Variants in HEYL observed in about 807,000 individuals in gnomAD.
HEYL encodes the protein hes related family bHLH transcription factor with YRPW motif like, also known as hairy/enhancer-of-split related with YRPW motif-like protein.
HEYL carries 12 observed loss-of-function variants against 18.6 expected under a neutral mutation model. The ratio of observed to expected loss-of-function variants is 0.65; its 90% confidence interval spans 0.41 to 1.05. The LOEUF (loss-of-function observed/expected upper bound fraction) is 1.05. Among genes scored for constraint, HEYL ranks in the 50% least tolerant of loss-of-function variants. The pLI, the probability that HEYL is intolerant of heterozygous loss-of-function variation, is 0.00. For synonymous variants in HEYL, 159 were observed against 179.6 expected (o/e 0.89, Z 0.91); for missense variants, 420 against 444.7 (o/e 0.94, Z 0.50).
At position 39,626,496 on chromosome 1, in the gene HEYL, G is replaced by T. The variant is rs764222546; in HGVS notation, c.*11C>A. The T allele has an allele frequency of 6.7e-7, 1 of 1,503,470 alleles. No homozygotes were observed. The highest frequency in any genetic ancestry group is 1.3e-5 in the South Asian group (1 of 74,820). The allele number at this position is 1,503,470 out of a possible 1,614,324, so 93.1% of individuals were successfully genotyped here. On this transcript the variant is annotated 3_prime_UTR_variant, in exon 5 of 5. Coordinates refer to ENST00000372852, the MANE Select transcript of HEYL (RefSeq NM_014571.4). ...TCCTTATTCCTTGGGGCGGGGTGGT[G>T]AAGGGGCAGCTCAGAAAGCCCCGAT...
intron 4 of HEYL, 98 bp downstream of exon 4, chr1:39,630,129 T>C (rs1388233885): frequency 7.4e-6 from 7 of 944,620 alleles, no homozygotes; most frequent in Admixed American, 3.4e-5. Flanking sequence ...CTCCTCAGAG[T>C]GGGCAGCGTG....
chr1:39,639,587 C>T lies in HEYL; in HGVS notation c.39G>A (p.Glu13=). 1 of 1,581,956 alleles carries T rather than the reference C, an allele frequency of 6.3e-7. No individual in the cohort carries two copies. The highest frequency in any genetic ancestry group is 8.6e-7 in the Non-Finnish European group (1 of 1,168,684). The change falls in exon 1 of 5, where the codon GAG becomes GAA. Residue 13 remains glutamate, a synonymous_variant. Coordinates refer to ENST00000372852, the MANE Select transcript of HEYL (RefSeq NM_014571.4). ...GGCCCACGTCGATGGGTCCGTCGGA[C>T]TCCCCGTCGGAGCCGCTCGGCTCCT... The part of the protein sequence containing the change: ...RPKEPSGSDG[E]SDGPIDVGQE...
chr1:39,631,648 T>C, intron 2 of HEYL, 69 bp from the exon 3 acceptor site: 1 of 1,210,092 alleles, frequency 8.3e-7, no homozygotes, highest in Non-Finnish European at 1.2e-6. Flanking sequence ...TTGATGGTCA[T>C]CAACTCATAT....
intron 1 of HEYL, among the ~76,000 whole-genome samples, chr1:39,637,226 G>T (rs558416111): frequency 6.6e-6 from 1 of 152,184 alleles, no homozygotes; most frequent in Non-Finnish European, 1.5e-5. Context: ...GCGTCATGGG[G>T]CCAGGTTGAG....
chr1:39,630,997 T>C (rs1390158368), intron 3 of HEYL, among the ~76,000 whole-genome samples: 1 of 152,146 alleles, frequency 6.6e-6, no homozygotes. Context: ...CCTTGGTGCA[T>C]AGGGTGAGAA....
At chr1:39,639,460 C>CTG in intron 1 of HEYL, 86 bp downstream of exon 1, 1 of 1,176,370 alleles carries the variant, frequency 8.5e-7, no homozygotes, top group Non-Finnish European at 1.2e-6. Context: ...TGCTGGAGGG[C>CTG]TGGCCCGCCT....
intron 1 of HEYL, chr1:39,633,570 G>A (rs1046195544): frequency 3.9e-5 from 6 of 152,278 alleles, no homozygotes; most frequent in African/African-American, 1.4e-4. Context: ...CCCTATTCAG[G>A]CCTGGGTGGG....
In HEYL at chr1:39,627,157, C is replaced by T. The variant is rs1646305625; in HGVS notation, c.337G>A (p.Ala113Thr). The T allele has an allele frequency of 6.2e-7, 1 of 1,612,492 alleles. No individual in the cohort carries two copies. The highest frequency in any genetic ancestry group is 8.5e-7 in the Non-Finnish European group (1 of 1,178,834). ...AAACCAATGCTCCGGAAGTCAACTG[C>T]CAGGGCTCGGGCATCAAAGAATCCT... is the stretch of plus-strand genomic sequence containing the variant. ...GTGFFDARAL[A>T]VDFRSIGFRE... is the part of the protein sequence containing the mutation. The change falls in exon 5 of 5, where the codon GCA becomes ACA. Residue 113 changes from alanine to threonine, a missense_variant. By Grantham distance (58) the Ala-to-Thr change is moderately conservative. Transcript: ENST00000372852.
At chr1:39,633,106 G>A (rs534571589) in intron 1 of HEYL, 18 of 983,750 alleles carry the variant, frequency 1.8e-5, no homozygotes, top group Non-Finnish European at 1.9e-5. Flanking sequence ...CGCTGGGAAC[G>A]AGCGTGGAAA....
At chr1:39,636,083 G>A (rs923016871) in intron 1 of HEYL, among the ~76,000 whole-genome samples, 39 of 152,142 alleles carry the variant, frequency 2.6e-4, no homozygotes, top group African/African-American at 9.2e-4. Flanking sequence ...CCTTGCAGAT[G>A]ACCCTAATCA....
chr1:39,630,141 G>A, intron 4 of HEYL, 86 bp downstream of exon 4: 4 of 1,119,906 alleles, frequency 3.6e-6, no homozygotes, highest in South Asian at 2.5e-5. Flanking sequence ...GGCAGCGTGT[G>A]GACTTTGCTC....
chr1:39,626,882 G>A lies in HEYL; in HGVS notation c.612C>T (p.Leu204=), dbSNP rs115716116. ...AILGRVPSPV[L]PGVSSPAYPI... ...GGTAAGCAGGAGAGGAGACACCGGG[G>A]AGGACAGGGCTGGGCACTCTTCCCA... The change falls in exon 5 of 5, where the codon CTC becomes CTT. Residue 204 remains leucine, a synonymous_variant. Coordinates refer to ENST00000372852, the MANE Select transcript of HEYL (RefSeq NM_014571.4). The A allele has an allele frequency of 7.1e-4, 1,139 of 1,602,850 alleles. 11 individuals carry two copies. In the African/African-American group the frequency reaches 0.013, roughly 19 times the overall value.
chr1:39,631,182 T>C (rs892100420), intron 3 of HEYL, among the ~76,000 whole-genome samples: 3 of 152,234 alleles, frequency 2.0e-5, no homozygotes, highest in Non-Finnish European at 4.4e-5. Context: ...CCCTGCTATT[T>C]ACTAGCTGCG....
In HEYL at chr1:39,626,505, G is replaced by C. The variant is rs1292797893; in HGVS notation, c.*2C>G. ...CTTGGGGCGGGGTGGTGAAGGGGCA[G>C]CTCAGAAAGCCCCGATTTCAGTGAT... On this transcript the variant is annotated 3_prime_UTR_variant, in exon 5 of 5. Transcript: ENST00000372852. 1 of 1,514,718 alleles carries C rather than the reference G, an allele frequency of 6.6e-7. No homozygotes were observed. The highest frequency in any genetic ancestry group is 2.3e-5 in the Admixed American group (1 of 43,256). The allele number at this position is 1,514,718 out of a possible 1,614,324, so 93.8% of individuals were successfully genotyped here.
chr1:39,631,642 T>C (rs970566594), intron 2 of HEYL, 63 bp from the exon 3 acceptor site: 2 of 1,317,086 alleles, frequency 1.5e-6, no homozygotes, highest in Non-Finnish European at 2.2e-6. Flanking sequence ...AGTGCCTTGA[T>C]GGTCATCAAC....
At chr1:39,633,117 G>A (rs1213779313) in intron 1 of HEYL, 3 of 983,900 alleles carry the variant, frequency 3.0e-6, no homozygotes, top group Non-Finnish European at 3.6e-6. Context: ...AGCGTGGAAA[G>A]AGCAGATGCC....
chr1:39,625,821 GA>G lies in HEYL; in HGVS notation c.*685del, dbSNP rs1409084754. ...GTTTACCAGGCCAGCTGTGTGCAGG[GA>G]CCTGTTAGTCAGTGAGAGGGTGGGT... On this transcript the variant is annotated 3_prime_UTR_variant, in exon 5 of 5. Coordinates refer to ENST00000372852, the MANE Select transcript of HEYL (RefSeq NM_014571.4). 6.6e-6 allele frequency: 1 copy of G among 152,536 alleles called. No individual in the cohort carries two copies. The highest frequency in any genetic ancestry group is 1.9e-4 in the East Asian group (1 of 5,198). 9.4% of individuals were successfully genotyped at this position (152,536 alleles called of 1,614,324 possible). A position where few individuals can be genotyped will look rare whatever the true frequency, so the allele number is the denominator to read the frequency against.
rs1346000391 is a variant in HEYL, at chr1:39,626,592, G to A, written c.902C>T (p.Ser301Phe). 1.3e-6 allele frequency: 2 copies of A among 1,553,946 alleles called. No homozygotes were observed. The highest frequency in any genetic ancestry group is 1.7e-6 in the Non-Finnish European group (2 of 1,149,702). The change falls in exon 5 of 5, where the codon TCC (serine) becomes TTC (phenylalanine). Residue 301 changes from serine (S) to phenylalanine (F), a missense_variant. By Grantham distance (155) the Ser-to-Phe change is radical. Transcript: ENST00000372852. ...AYVAVPTPNS[S>F]SPGPAGRPAG... ...TGGCCTCCCAGCTGGCCCTGGGGAG[G>A]ATGAGTTGGGGGTGGGAACAGCCAC...
rs1646323910 is a variant in HEYL, at chr1:39,630,119, C to T, written c.313+108G>A. On this transcript the variant is annotated intron_variant, in intron 4 of 4. Transcript: ENST00000372852. ...GCAAATGTTCCCTCCATTGACTGAGCTCCTCAGAGTGGGCAGCGTGTGGAC... is the reference window on the plus strand; with the variant it reads ...GCAAATGTTCCCTCCATTGACTGAGTTCCTCAGAGTGGGCAGCGTGTGGAC... The T allele has an allele frequency of 7.0e-6, 6 of 857,666 alleles. No individual in the cohort carries two copies. The South Asian group carries it at 8.1e-5, about 12-fold the overall frequency. The allele number at this position is 857,666 out of a possible 1,614,324, so 53.1% of individuals were successfully genotyped here.
Sources: gnomAD v4.1 joint callset for allele counts (sites outside exome capture counted in the v4.1 genomes callset) on GRCh38, gnomAD v4.1.1 for gene constraint, MANE v1.5 for transcripts, NCBI Gene and HGNC (gene_info 2026-07-23, HGNC 2026-07-21) for gene names.